The following TOX3 variants were observed in gnomAD, a reference collection of about 807,000 sequenced individuals.
TOX3 encodes the protein CAG trinucleotide repeat-containing gene F9 protein.
Under a neutral mutation model 64.3 loss-of-function variants are expected in TOX3, and 22 were observed. The ratio of observed to expected loss-of-function variants is 0.34; its 90% confidence interval spans 0.24 to 0.49. The LOEUF (loss-of-function observed/expected upper bound fraction) is 0.49, where lower values mean the gene tolerates loss of function less well. Ranked by LOEUF, TOX3 falls within the 20% of genes least tolerant of loss-of-function variation. The pLI, the probability that TOX3 is intolerant of heterozygous loss-of-function variation, is 0.99. For missense variants in TOX3, 661 were observed against 714.4 expected (o/e 0.93, Z 0.85); for synonymous variants, 291 against 273.6 (o/e 1.06, Z -0.63).
chr16:52,464,217 C>A (rs752003000), intron 2 of TOX3, 29 bp from the exon 3 acceptor site: 1 of 1,462,690 alleles, frequency 6.8e-7, no homozygotes, highest in South Asian at 1.5e-5. Context: ...CAGGTATCTT[C>A]ATATTCTGTT....
intron 2 of TOX3, among the ~76,000 whole-genome samples, chr16:52,468,052 A>T (rs777590926): frequency 1.3e-5 from 2 of 152,184 alleles, no homozygotes; most frequent in Non-Finnish European, 2.9e-5. Context: ...GCCCCAGGAA[A>T]CTATAATACT....
intron 3 of TOX3, among the ~76,000 whole-genome samples, chr16:52,463,200 C>A (rs940758982): frequency 2.6e-5 from 4 of 152,032 alleles, no homozygotes; most frequent in African/African-American, 9.7e-5. Context: ...CTACTTAGTA[C>A]CTCACCTAGC....
intron 1 of TOX3, among the ~76,000 whole-genome samples, chr16:52,522,859 C>T (rs897383260): frequency 6.6e-6 from 1 of 152,136 alleles, no homozygotes; most frequent in Non-Finnish European, 1.5e-5. Flanking sequence ...ACTTTTGCCT[C>T]AAAACACACT....
rs7197481 is a variant in TOX3 at position 52,528,575 on chromosome 16, C to T, written c.87+18062G>A. ...GCCTGGTTCCCTAGCCTCTCTCTCT[C>T]GCACCGTGCCAGCCGGCCAACTGCT... is the stretch of plus-strand genomic sequence containing the variant. On this transcript the variant is annotated intron_variant, in intron 1 of 6. Coordinates refer to ENST00000219746, the MANE Select transcript of TOX3 (RefSeq NM_001080430.4). 6.6e-3 allele frequency among the ~76,000 whole-genome samples: 1,003 copies of T among 152,216 alleles called. 14 individuals are homozygous for T. Among genetic ancestry groups the T allele is most frequent in the African/African-American group, 0.022 (908 of 41,544 alleles).
chr16:52,458,923 C>A (rs952997421), intron 3 of TOX3, among the ~76,000 whole-genome samples: 7 of 152,028 alleles, frequency 4.6e-5, no homozygotes, highest in Non-Finnish European at 8.8e-5. Context: ...AGGCAGCAGT[C>A]AGATTGAATC....
chr16:52,437,428 G>A lies in TOX3; in HGVS notation c.*1797C>T, dbSNP rs1201070280. ...CACACCCTCATTCTTTCCAGATTAG[G>A]ATTCTGGTCAGGGTTGACACTTGCT... is the stretch of plus-strand genomic sequence containing the variant. On this transcript the variant is annotated 3_prime_UTR_variant, in exon 7 of 7. Transcript: ENST00000219746. 6.6e-6 allele frequency: 1 copy of A among 152,194 alleles called. No individual in the cohort carries two copies. The highest frequency in any genetic ancestry group is 1.5e-5 in the Non-Finnish European group (1 of 68,044). 9.4% of individuals were successfully genotyped at this position (152,194 alleles called of 1,614,324 possible).
chr16:52,473,331 C>T (rs1961103995), intron 1 of TOX3, among the ~76,000 whole-genome samples: 1 of 151,822 alleles, frequency 6.6e-6, no homozygotes, highest in South Asian at 2.1e-4. Flanking sequence ...ACTACAGGGT[C>T]TCAAACAGCT....
intron 1 of TOX3, among the ~76,000 whole-genome samples, chr16:52,525,234 C>G (rs539283148): frequency 6.6e-6 from 1 of 152,032 alleles, no homozygotes; most frequent in East Asian, 1.9e-4. Flanking sequence ...TTTGAGTATA[C>G]TAAAGATCCA....
chr16:52,476,065 T>C (rs1961198733), intron 1 of TOX3, among the ~76,000 whole-genome samples: 1 of 152,208 alleles, frequency 6.6e-6, no homozygotes, highest in Admixed American at 6.5e-5. Flanking sequence ...CAATGAAGGC[T>C]TGGCACGCAT....
intron 1 of TOX3, among the ~76,000 whole-genome samples, chr16:52,498,928 C>T (rs1961927515): frequency 6.6e-6 from 1 of 152,184 alleles, no homozygotes; most frequent in African/African-American, 2.4e-5. Context: ...CTTCCTCAAT[C>T]ACAGTTTCAA....
chr16:52,505,084 T>C (rs1428373953), intron 1 of TOX3, among the ~76,000 whole-genome samples: 1 of 152,136 alleles, frequency 6.6e-6, no homozygotes, highest in Admixed American at 6.5e-5. Context: ...TCTGCTCATC[T>C]TGGCCCCACA....
chr16:52,479,333 G>A (rs1375589914), intron 1 of TOX3, among the ~76,000 whole-genome samples: 1 of 152,192 alleles, frequency 6.6e-6, no homozygotes, highest in Non-Finnish European at 1.5e-5. Context: ...GCTGATATAG[G>A]AGCCTGCAAG....
chr16:52,532,447 G>C (rs1315016022), intron 1 of TOX3, among the ~76,000 whole-genome samples: 1 of 152,212 alleles, frequency 6.6e-6, no homozygotes, highest in Non-Finnish European at 1.5e-5. Flanking sequence ...ACATGCCAGA[G>C]AACTGAGGGA....
In TOX3 at chr16:52,439,936, G is replaced by A; in HGVS notation, c.1020C>T (p.Ile340=). Reference sequence around the variant, plus strand: ...ACGCCAGGGTCTGCTGAACAGAACGGATGGTCTGGGCTTCTGCTGACTCAG... The same window carrying A: ...ACGCCAGGGTCTGCTGAACAGAACGAATGGTCTGGGCTTCTGCTGACTCAG... ...AAAESAEAQT[I]RSVQQTLAST... Residue 340 remains isoleucine, a synonymous_variant, in exon 7 of 7, where the codon ATC becomes ATT. Transcript: ENST00000219746. The A allele has an allele frequency of 6.3e-7, 1 of 1,587,250 alleles. No individual in the cohort carries two copies. The highest frequency in any genetic ancestry group is 8.6e-7 in the Non-Finnish European group (1 of 1,164,602).
chr16:52,487,305 G>GAA (rs10641032), intron 1 of TOX3, among the ~76,000 whole-genome samples: 2,916 of 141,602 alleles, frequency 0.021, 96 homozygotes, highest in African/African-American at 0.069. Flanking sequence ...GAGTCAGATG[G>GAA]AAAAAAAAAA....
At chr16:52,444,863 A>T (rs926051302) in intron 5 of TOX3, 1 of 152,294 alleles carries the variant, frequency 6.6e-6, no homozygotes, top group African/African-American at 2.4e-5. Flanking sequence ...AAAGCATTTC[A>T]ATGTTGGTTT....
intron 1 of TOX3, among the ~76,000 whole-genome samples, chr16:52,538,558 A>T (rs45546133): frequency 1.3e-5 from 2 of 152,162 alleles, no homozygotes; most frequent in African/African-American, 2.4e-5. Context: ...GGCTACATTA[A>T]ATTTGCAACA....
chr16:52,471,694 G>A (rs993711795), intron 1 of TOX3, among the ~76,000 whole-genome samples: 2 of 152,182 alleles, frequency 1.3e-5, no homozygotes, highest in Middle Eastern at 3.2e-3. Context: ...CCTAACTGGA[G>A]TCATTTTCAC....
intron 3 of TOX3, among the ~76,000 whole-genome samples, chr16:52,455,090 A>C (rs1480075244): frequency 1.3e-5 from 2 of 152,208 alleles, no homozygotes; most frequent in African/African-American, 2.4e-5. Flanking sequence ...AACCAACAAT[A>C]AGAGCTGAAT....
Sources: gnomAD v4.1 joint callset for allele counts (sites outside exome capture counted in the v4.1 genomes callset) on GRCh38, gnomAD v4.1.1 for gene constraint, MANE v1.5 for transcripts, NCBI Gene and HGNC (gene_info 2026-07-23, HGNC 2026-07-21) for gene names.